The following TMEM165 variants were observed in gnomAD, a reference collection of about 807,000 sequenced individuals.
The protein encoded by TMEM165 is putative divalent cation/proton antiporter TMEM165.
A neutral mutation model predicts 30.0 loss-of-function variants in TMEM165; 19 were observed. The ratio of observed to expected loss-of-function variants is 0.63; its 90% CI spans 0.44 to 0.93. TMEM165 has a LOEUF of 0.93. Among genes scored for constraint, TMEM165 ranks in the 40% least tolerant of loss-of-function variants. The pLI is 0.00. For missense variants in TMEM165, 340 were observed against 417.0 expected (o/e 0.82, Z 1.61); for synonymous variants, 168 against 162.9 (o/e 1.03, Z -0.24).
At chr4:55,426,390 G>T (rs1045791621), downstream of TMEM165, among the ~76,000 whole-genome samples, 2 of 152,146 alleles carry the variant, frequency 1.3e-5, no homozygotes, top group Admixed American at 6.5e-5. Flanking sequence ...CTCACCCAAG[G>T]TTACATGGTA....
intron 1 of TMEM165, chr4:55,403,338 G>T: frequency 7.9e-7 from 1 of 1,266,920 alleles, no homozygotes; most frequent in Non-Finnish European, 1.0e-6. Context: ...TTCCGATGCA[G>T]GTATCTGTAT....
chr4:55,422,873 T>C (rs1374424831), intron 4 of TMEM165, among the ~76,000 whole-genome samples: 4 of 152,156 alleles, frequency 2.6e-5, no homozygotes, highest in African/African-American at 9.7e-5. Context: ...CCTGACCTCG[T>C]GATCCACCCT....
chr4:55,424,558 G>A lies in TMEM165; in HGVS notation c.813G>A (p.Val271=). 6.2e-7 allele frequency: 1 copy of A among 1,613,286 alleles called. No individual in the cohort carries two copies. The highest frequency in any genetic ancestry group is 2.2e-5 in the East Asian group (1 of 44,874). Residue 271 remains valine, a synonymous_variant, in exon 5 of 6, where the codon GTG becomes GTA. Transcript: ENST00000381334. ...AAREDPYGVA[V]GGTVGHCLCT... The stretch of plus-strand genomic sequence containing the variant: ...TCCAGGACCCCTATGGTGTAGCCGT[G>A]GGTGGAACTGTGGGGCACTGCCTGT...
Position 55,425,396 on chromosome 4 carries a change from G to A in TMEM165, c.919G>A (p.Val307Ile), listed in dbSNP as rs752610788. 52 of 1,612,740 alleles carry A rather than the reference G, an allele frequency of 3.2e-5. No individual in the cohort carries two copies. The highest frequency in any genetic ancestry group is 5.0e-5 in the Admixed American group (3 of 59,920). ...TCCAGTGACAATCATAGGAGGCATC[G>A]TTTTTTTGGCGTTTGCATTTTCTGC... The part of the protein sequence containing the change: ...VRTVTIIGGI[V>I]FLAFAFSALF... The change falls in exon 6 of 6, where the codon GTT becomes ATT. Residue 307 changes from valine (V) to isoleucine (I), a missense_variant. Around this residue, in one of 2 missense-constraint regions of TMEM165, gnomAD observed 220 missense variants for 307.6 expected, o/e 0.72. Coordinates refer to ENST00000381334, the MANE Select transcript of TMEM165 (RefSeq NM_018475.5).
intron 1 of TMEM165, among the ~76,000 whole-genome samples, chr4:55,410,864 G>A (rs1721466515): frequency 6.6e-6 from 1 of 152,198 alleles, no homozygotes; most frequent in Admixed American, 6.5e-5. Context: ...CAAGCGTGGT[G>A]GCTCACGCCT....
At chr4:55,452,016 T>C (rs1560424842) in intron 3 of TMEM165, among the ~76,000 whole-genome samples, 2 of 152,198 alleles carry the variant, frequency 1.3e-5, no homozygotes, top group East Asian at 1.9e-4. Context: ...TTTTGACTCT[T>C]TTCATTCTAC....
At chr4:55,447,363 C>CAAA (rs113812191) in intron 3 of TMEM165, among the ~76,000 whole-genome samples, 7 of 150,480 alleles carry the variant, frequency 4.7e-5, no homozygotes, top group Admixed American at 1.3e-4. Flanking sequence ...GGCGTCGTCT[C>CAAA]AAAAAAAAAT....
intron 5 of TMEM165, 137 bp from the exon 6 acceptor site, chr4:55,425,239 G>C (rs1056180883): frequency 1.7e-5 from 11 of 660,164 alleles, no homozygotes; most frequent in Non-Finnish European, 2.9e-5. Flanking sequence ...AGGGGTTGAA[G>C]TGATTCTAAT....
Position 55,444,719 on chromosome 4 carries a change from T to C in TMEM165, c.409-7520T>C, listed in dbSNP as rs529037715. 1.1e-5 allele frequency: 17 copies of C among 1,614,154 alleles called. No homozygotes were observed. Among genetic ancestry groups the C allele is most frequent in the Non-Finnish European group, 1.4e-5 (16 of 1,180,018 alleles). On this transcript the variant is annotated intron_variant, in intron 3 of 3. Coordinates refer to the TMEM165 transcript ENST00000608091. Reference sequence around the variant, plus strand: ...TGCCGATGAATATTTGCTTCTATCATGCGTGTCCGTTGTTCCAATTGGTCT... The same window carrying C: ...TGCCGATGAATATTTGCTTCTATCACGCGTGTCCGTTGTTCCAATTGGTCT...
At chr4:55,435,466 G>C in intron 3 of TMEM165, 1 of 1,614,044 alleles carries the variant, frequency 6.2e-7, no homozygotes, top group South Asian at 1.1e-5. Flanking sequence ...TCCTGTGCCG[G>C]CTGAGTTGCT....
intron 1 of TMEM165, among the ~76,000 whole-genome samples, chr4:55,400,273 A>T (rs867980341): frequency 7.7e-5 from 8 of 104,338 alleles, no homozygotes; most frequent in East Asian, 7.0e-4. Context: ...ATAATATATA[A>T]TATAATATTA....
chr4:55,403,492 C>CTTTTTTTTTTTTTTTTTTT, intron 1 of TMEM165, among the ~76,000 whole-genome samples: 1 of 124,504 alleles, frequency 8.0e-6, no homozygotes, highest in Non-Finnish European at 1.6e-5. Flanking sequence ...GTGCCTTTTT[C>CTTTTTTTTTTTTTTTTTTT]TTTTTCTTTT....
At chr4:55,416,591 C>T (rs747626674) in intron 2 of TMEM165, among the ~76,000 whole-genome samples, 1 of 152,024 alleles carries the variant, frequency 6.6e-6, no homozygotes, top group African/African-American at 2.4e-5. Context: ...TTAAATCTTG[C>T]TATGTGAGAC....
At chr4:55,426,366 AAG>A (rs1439538395), downstream of TMEM165, among the ~76,000 whole-genome samples, 4 of 152,202 alleles carry the variant, frequency 2.6e-5, no homozygotes, top group African/African-American at 7.2e-5. Context: ...AAGGTTAAAA[AAG>A]AAAAAAACTA....
chr4:55,441,252 A>T (rs1051140624), intron 3 of TMEM165, among the ~76,000 whole-genome samples: 2 of 152,206 alleles, frequency 1.3e-5, no homozygotes, highest in Non-Finnish European at 2.9e-5. Flanking sequence ...GGCCATTACT[A>T]AAAAGTCAAA....
intron 4 of TMEM165, chr4:55,423,780 T>C (rs1479631526): frequency 6.6e-6 from 1 of 152,366 alleles, no homozygotes; most frequent in Non-Finnish European, 1.5e-5. Context: ...AACCAACAAG[T>C]GTCTGAGGAC....
intron 4 of TMEM165, chr4:55,423,725 G>C (rs1722077622): frequency 2.0e-5 from 3 of 152,550 alleles, no homozygotes; most frequent in African/African-American, 7.2e-5. Context: ...ACCTGGCCTA[G>C]CGGATTTCTG....
chr4:55,446,298 A>C (rs1429905845), intron 3 of TMEM165, among the ~76,000 whole-genome samples: 1 of 151,896 alleles, frequency 6.6e-6, no homozygotes, highest in East Asian at 1.9e-4. Flanking sequence ...TATGTTGCCT[A>C]GTCTGTTGTA....
rs77793644 is a variant in TMEM165 at position 55,403,576 on chromosome 4, T to A, written c.207+7180T>A. On this transcript the variant is annotated intron_variant, in intron 1 of 5. Coordinates refer to ENST00000381334, the MANE Select transcript of TMEM165 (RefSeq NM_018475.5). The stretch of plus-strand genomic sequence containing the variant: ...AGAGTTTTTATTAAGCAAGTTTTTT[T>A]AAAAAAATCTTAAGTTGTTAATCCT... 8.2e-3 allele frequency among the ~76,000 whole-genome samples: 1,212 copies of A among 148,650 alleles called. 12 individuals are homozygous for A. The highest frequency in any genetic ancestry group is 0.028 in the African/African-American group (1,127 of 40,362).
Sources: allele counts gnomAD v4.1 joint callset (sites outside exome capture counted in the v4.1 genomes callset), GRCh38; gene constraint gnomAD v4.1.1; regional missense constraint gnomAD v4.1.1; transcripts MANE v1.5; gene names NCBI Gene and HGNC (gene_info 2026-07-23, HGNC 2026-07-21).